THSD4: variants seen among roughly 807,000 people sequenced by gnomAD.
THSD4 encodes the protein thrombospondin type 1 domain containing 4.
THSD4 carries 69 observed loss-of-function variants against 119.0 expected under a neutral mutation model. The ratio of observed to expected loss-of-function variants is 0.58; its 90% confidence interval spans 0.48 to 0.71. The LOEUF is 0.71. THSD4 is among the 30% of genes least tolerant of loss of function. The pLI is 0.00. For missense variants in THSD4, 1,393 were observed against 1,391.1 expected, an observed-to-expected ratio of 1.00 and a Z score of -0.02; for synonymous variants, 524 against 540.4, an observed-to-expected ratio of 0.97 and a Z score of 0.42.
At chr15:71,383,490 T>C (rs1362418665) in intron 6 of THSD4, among the ~76,000 whole-genome samples, 3 of 152,228 alleles carry the variant, frequency 2.0e-5, no homozygotes, top group South Asian at 4.1e-4. Flanking sequence ...TATTGTGATA[T>C]ATTGCGATAT....
intron 8 of THSD4, among the ~76,000 whole-genome samples, chr15:71,677,119 GA>G (rs1365678974): frequency 2.0e-5 from 3 of 152,198 alleles, no homozygotes; most frequent in Admixed American, 2.0e-4. Context: ...GTTTTTGAAA[GA>G]GTATTTAAGC....
chr15:71,108,371 C>A (rs767443456), intron 1 of THSD4, among the ~76,000 whole-genome samples: 3 of 152,196 alleles, frequency 2.0e-5, no homozygotes, highest in Non-Finnish European at 4.4e-5. Flanking sequence ...GAGGGAAAAC[C>A]CACAAGGCTT....
chr15:71,727,024 T>C (rs576885383), intron 8 of THSD4, among the ~76,000 whole-genome samples: 4 of 152,194 alleles, frequency 2.6e-5, no homozygotes, highest in Admixed American at 2.6e-4. Flanking sequence ...AGAAATTCTA[T>C]TTCCAGATGC....
At chr15:71,262,731 C>G (rs1023376381) in intron 6 of THSD4, among the ~76,000 whole-genome samples, 1 of 152,182 alleles carries the variant, frequency 6.6e-6, no homozygotes, top group Non-Finnish European at 1.5e-5. Flanking sequence ...GTGATTGTAT[C>G]TGTCAGCAGT....
chr15:71,289,116 C>T (rs1307155363), intron 6 of THSD4, among the ~76,000 whole-genome samples: 1 of 152,152 alleles, frequency 6.6e-6, no homozygotes, highest in Non-Finnish European at 1.5e-5. Flanking sequence ...ACTCAGGAGT[C>T]TTGGCTCAGT....
At chr15:71,173,874 G>T (rs975477518) in intron 3 of THSD4, among the ~76,000 whole-genome samples, 1 of 152,080 alleles carries the variant, frequency 6.6e-6, no homozygotes, top group East Asian at 1.9e-4. Context: ...ATGATCAAAT[G>T]ATTTTTGACA....
chr15:71,451,985 G>A (rs543918665), intron 7 of THSD4, among the ~76,000 whole-genome samples: 79 of 152,320 alleles, frequency 5.2e-4, no homozygotes, highest in African/African-American at 1.8e-3. Flanking sequence ...GCAGCACACT[G>A]TTGAGGGTTG....
chr15:71,142,846 T>C (rs2040618335), intron 2 of THSD4, among the ~76,000 whole-genome samples: 1 of 152,366 alleles, frequency 6.6e-6, no homozygotes, highest in East Asian at 1.9e-4. Flanking sequence ...ACCTGTACAT[T>C]AGTCCCACAT....
intron 3 of THSD4, among the ~76,000 whole-genome samples, chr15:71,182,009 A>G (rs531894368): frequency 1.3e-5 from 2 of 152,312 alleles, no homozygotes; most frequent in South Asian, 4.1e-4. Context: ...GACACTGGGG[A>G]TGATGTAAGC....
At chr15:71,341,840 A>G (rs1416810593) in intron 6 of THSD4, 12 of 657,790 alleles carry the variant, frequency 1.8e-5, no homozygotes, top group Admixed American at 7.8e-5. Flanking sequence ...ATTTCCACCT[A>G]CTAGGTTTTT....
At chr15:71,308,972 T>A (rs1381373561) in intron 6 of THSD4, among the ~76,000 whole-genome samples, 1 of 152,212 alleles carries the variant, frequency 6.6e-6, no homozygotes, top group African/African-American at 2.4e-5. Flanking sequence ...TTTTGTTTTT[T>A]GGAGACTCAC....
chr15:71,405,851 ATCT>A (rs1450967244), intron 6 of THSD4, among the ~76,000 whole-genome samples: 1 of 152,222 alleles, frequency 6.6e-6, no homozygotes, highest in East Asian at 1.9e-4. Flanking sequence ...CAATGAATAA[ATCT>A]TCTTTAATTA....
At chr15:71,507,674 C>T (rs962136542) in intron 7 of THSD4, among the ~76,000 whole-genome samples, 9 of 152,146 alleles carry the variant, frequency 5.9e-5, no homozygotes, top group Admixed American at 5.9e-4. Flanking sequence ...ACCCCAAGCT[C>T]CAGGAAGGCA....
chr15:71,345,882 G>C (rs542073077), intron 6 of THSD4, among the ~76,000 whole-genome samples: 1 of 150,868 alleles, frequency 6.6e-6, no homozygotes, highest in African/African-American at 2.4e-5. Context: ...TTTTGTTTTC[G>C]GACTTACTTG....
intron 4 of THSD4, among the ~76,000 whole-genome samples, chr15:71,235,456 G>A (rs796736083): frequency 9.2e-5 from 14 of 152,220 alleles, no homozygotes; most frequent in African/African-American, 3.1e-4. Context: ...CCACTATTCA[G>A]CTTTCTCCAA....
chr15:71,745,053 C>A (rs1489643702), intron 11 of THSD4, 53 bp from the exon 12 acceptor site: 1 of 1,570,382 alleles, frequency 6.4e-7, no homozygotes, highest in Non-Finnish European at 8.7e-7. Flanking sequence ...CCACCCATAG[C>A]CCAGCTTTCC....
intron 15 of THSD4, among the ~76,000 whole-genome samples, chr15:71,761,835 C>T (rs757677862): frequency 3.9e-5 from 6 of 152,184 alleles, no homozygotes; most frequent in African/African-American, 9.7e-5. Flanking sequence ...CACTTTGACA[C>T]GAATGCTTCT....
Position 71,665,860 on chromosome 15 carries a change from A to G in THSD4, c.1357+5126A>G, listed in dbSNP as rs566766329. On this transcript the variant is annotated intron_variant, in intron 8 of 17. Coordinates refer to ENST00000261862, the MANE Select transcript of THSD4 (RefSeq NM_024817.3). ...TTTCTCTATTCTGTTTCACTGGTCT[A>G]TGTGTCTGTTTTTGTACCAGTACCA... Among the ~76,000 whole-genome samples the G allele has an allele frequency of 2.0e-5, 3 of 152,160 alleles. No homozygotes were observed. In the South Asian group the frequency reaches 6.2e-4, roughly 32 times the overall value.
At chr15:71,753,023 C>G (rs2053476952) in intron 14 of THSD4, among the ~76,000 whole-genome samples, 1 of 152,172 alleles carries the variant, frequency 6.6e-6, no homozygotes, top group African/African-American at 2.4e-5. Context: ...TCAATAAGCT[C>G]AAGAGGGAGA....
Sources: allele counts gnomAD v4.1 joint callset (sites outside exome capture counted in the v4.1 genomes callset), GRCh38; gene constraint gnomAD v4.1.1; transcripts MANE v1.5; gene names NCBI Gene and HGNC (gene_info 2026-07-23, HGNC 2026-07-21).